DRC11: variants seen among roughly 807,000 people sequenced by gnomAD.
DRC11 encodes the protein dynein regulatory complex subunit 11, also known as IQ and AAA domain-containing protein 1.
chr2:236,472,603 A>G, the DRC11 span, among the ~76,000 whole-genome samples: 24 of 152,220 alleles, frequency 1.6e-4, no homozygotes, highest in African/African-American at 5.5e-4. The surrounding 1 kb of genome is among the most constrained non-coding windows in gnomAD (Gnocchi z 4.6). Flanking sequence ...TCGTGACAAC[A>G]TACTATAATT....
the DRC11 span, chr2:236,343,698 A>T: frequency 1.5e-6 from 2 of 1,303,022 alleles, no homozygotes; most frequent in African/African-American, 3.0e-5. This position sits in a 1 kb window ranked among gnomAD's most constrained non-coding sequence, Gnocchi z 6.6. Context: ...TCCATTTTGC[A>T]TACCTACTTG....
At chr2:236,402,276 C>T in the DRC11 span, among the ~76,000 whole-genome samples, 1 of 152,236 alleles carries the variant, frequency 6.6e-6, no homozygotes, top group Non-Finnish European at 1.5e-5. This position sits in a 1 kb window ranked among gnomAD's most constrained non-coding sequence, Gnocchi z 6.0. Flanking sequence ...CCCCCTGAGA[C>T]CACGGGTTAC....
chr2:236,379,870 A>G, the DRC11 span, among the ~76,000 whole-genome samples: 2 of 149,798 alleles, frequency 1.3e-5, no homozygotes, highest in African/African-American at 4.9e-5. Flanking sequence ...GAACCCCCAA[A>G]CAGGGGAGCG....
the DRC11 span, among the ~76,000 whole-genome samples, chr2:236,357,815 TA>T: frequency 7.9e-6 from 1 of 126,466 alleles, no homozygotes; most frequent in African/African-American, 3.2e-5. Context: ...ATATAGAATA[TA>T]TAAATATACA....
At chr2:236,440,068 A>G in the DRC11 span, among the ~76,000 whole-genome samples, 1 of 152,312 alleles carries the variant, frequency 6.6e-6, no homozygotes, top group African/African-American at 2.4e-5. Context: ...ATGTTTATAT[A>G]TGCAAATTAA....
At chr2:236,405,864 G>A in the DRC11 span, among the ~76,000 whole-genome samples, 1 of 152,194 alleles carries the variant, frequency 6.6e-6, no homozygotes, top group South Asian at 2.1e-4. The surrounding 1 kb of genome is among the most constrained non-coding windows in gnomAD (Gnocchi z 4.6). Context: ...GGATGGGACA[G>A]GATGGTGTAA....
the DRC11 span, chr2:236,363,774 C>A: frequency 6.3e-7 from 1 of 1,598,602 alleles, no homozygotes; most frequent in Non-Finnish European, 8.6e-7. This position sits in a 1 kb window ranked among gnomAD's most constrained non-coding sequence, Gnocchi z 5.6. Flanking sequence ...GAAATGTAAT[C>A]CATACCTTGA....
the DRC11 span, among the ~76,000 whole-genome samples, chr2:236,386,636 G>A: frequency 6.6e-6 from 1 of 151,892 alleles, no homozygotes; most frequent in African/African-American, 2.4e-5. Context: ...TTAATTTTTT[G>A]AAGTGTTTTT....
chr2:236,307,600 A>G, the DRC11 span, among the ~76,000 whole-genome samples: 1 of 152,140 alleles, frequency 6.6e-6, no homozygotes, highest in Non-Finnish European at 1.5e-5. The surrounding 1 kb of genome is among the most constrained non-coding windows in gnomAD (Gnocchi z 7.0). Flanking sequence ...TCAGCGTCCT[A>G]ACAGTGGCCC....
chr2:236,433,281 G>A, the DRC11 span, among the ~76,000 whole-genome samples: 20 of 152,104 alleles, frequency 1.3e-4, no homozygotes, highest in African/African-American at 4.8e-4. Flanking sequence ...CCTCCTCCCC[G>A]CCAATGCCCC....
At chr2:236,389,867 A>C in the DRC11 span, among the ~76,000 whole-genome samples, 3 of 152,182 alleles carry the variant, frequency 2.0e-5, no homozygotes, top group African/African-American at 4.8e-5. Flanking sequence ...AATGTTTTCA[A>C]TATTCTTATA....
chr2:236,370,304 G>A, the DRC11 span, among the ~76,000 whole-genome samples: 1 of 152,216 alleles, frequency 6.6e-6, no homozygotes, highest in African/African-American at 2.4e-5. This position sits in a 1 kb window ranked among gnomAD's most constrained non-coding sequence, Gnocchi z 5.5. Context: ...CTTGCTTAAT[G>A]TTTACAGCGA....
At chr2:236,434,135 G>A in the DRC11 span, among the ~76,000 whole-genome samples, 1 of 152,150 alleles carries the variant, frequency 6.6e-6, no homozygotes, top group Admixed American at 6.5e-5. The surrounding 1 kb of genome is among the most constrained non-coding windows in gnomAD (Gnocchi z 5.5). Context: ...AATTTAATGT[G>A]GTGCTGGTTT....
chr2:236,347,811 TACTC>T, the DRC11 span, among the ~76,000 whole-genome samples: 6 of 151,542 alleles, frequency 4.0e-5, no homozygotes, highest in African/African-American at 1.5e-4. Flanking sequence ...CTAAAGAACT[TACTC>T]ATGTAACCAA....
the DRC11 span, among the ~76,000 whole-genome samples, chr2:236,357,336 GAATA>G: frequency 9.8e-6 from 1 of 101,684 alleles, no homozygotes; most frequent in Non-Finnish European, 1.8e-5. Flanking sequence ...ATTCATATAT[GAATA>G]TATATATTAT....
At chr2:236,365,739 T>A in the DRC11 span, among the ~76,000 whole-genome samples, 1 of 151,866 alleles carries the variant, frequency 6.6e-6, no homozygotes, top group Admixed American at 6.6e-5. This position sits in a 1 kb window ranked among gnomAD's most constrained non-coding sequence, Gnocchi z 7.4. Context: ...AAAAGGTTGG[T>A]CCAGGGAGGC....
At chr2:236,491,167 A>ATATATATACACAG in the DRC11 span, among the ~76,000 whole-genome samples, 7 of 79,690 alleles carry the variant, frequency 8.8e-5, 1 homozygote, top group African/African-American at 4.4e-4. Flanking sequence ...CAGTATATAT[A>ATATATATACACAG]TATATATATA....
the DRC11 span, chr2:236,493,660 C>T: frequency 4.4e-6 from 4 of 918,760 alleles, no homozygotes; most frequent in Non-Finnish European, 6.3e-6. Context: ...AGGGATCATT[C>T]TCTGCTTAAA....
At chr2:236,393,423 G>C in the DRC11 span, among the ~76,000 whole-genome samples, 1 of 152,170 alleles carries the variant, frequency 6.6e-6, no homozygotes. This position sits in a 1 kb window ranked among gnomAD's most constrained non-coding sequence, Gnocchi z 4.7. Context: ...GACAAGCATG[G>C]CATGACCCAC....
Sources: gnomAD v4.1 joint callset for allele counts (sites outside exome capture counted in the v4.1 genomes callset) on GRCh38, gnomAD v4.1.1 for gene constraint, Gnocchi (gnomAD v3.1) non-coding constraint, MANE v1.5 for transcripts, NCBI Gene and HGNC (gene_info 2026-07-23, HGNC 2026-07-21) for gene names.